The following KCNAB1 variants were observed in gnomAD, a reference collection of about 807,000 sequenced individuals.
KCNAB1 encodes the protein voltage-gated potassium channel subunit beta-1.
KCNAB1 carries 35 observed loss-of-function variants against 64.6 expected under a neutral mutation model. The observed-to-expected ratio is 0.54, with a 90% confidence interval of 0.41 to 0.72. The LOEUF (loss-of-function observed/expected upper bound fraction) is 0.72, where lower values mean the gene tolerates loss of function less well. Among genes scored for constraint, KCNAB1 ranks in the 30% least tolerant of loss-of-function variants. The probability of loss-of-function intolerance (pLI) is 0.00; values close to 1 mark genes in which losing one functional copy is unlikely to be tolerated. For missense variants in KCNAB1, 401 were observed against 512.9 expected, an observed-to-expected ratio of 0.78 and a Z score of 2.11; for synonymous variants, 177 against 183.8, an observed-to-expected ratio of 0.96 and a Z score of 0.30.
chr3:156,204,524 T>C (rs1714535432), intron 1 of KCNAB1, among the ~76,000 whole-genome samples: 1 of 152,154 alleles, frequency 6.6e-6, no homozygotes, highest in Non-Finnish European at 1.5e-5. Context: ...TCTCTATCCA[T>C]TTGAATAGAA....
chr3:156,143,259 A>T, intron 1 of KCNAB1: 1 of 1,614,004 alleles, frequency 6.2e-7, no homozygotes, highest in Non-Finnish European at 8.5e-7. Flanking sequence ...CGGCTCTAAA[A>T]TGTAGATGGC....
chr3:156,511,360 C>T (rs1248010256), intron 8 of KCNAB1, among the ~76,000 whole-genome samples: 6 of 152,204 alleles, frequency 3.9e-5, no homozygotes, highest in African/African-American at 1.4e-4. Context: ...GCCTCGGCCT[C>T]CCAAAGTGCT....
At chr3:156,338,094 A>G (rs1471829559) in intron 1 of KCNAB1, among the ~76,000 whole-genome samples, 2 of 151,990 alleles carry the variant, frequency 1.3e-5, no homozygotes, top group South Asian at 2.1e-4. Context: ...GGATGGTCCA[A>G]CTCTCTGTGC....
intron 1 of KCNAB1, among the ~76,000 whole-genome samples, chr3:156,143,658 A>G (rs1382302878): frequency 1.3e-5 from 2 of 148,706 alleles, no homozygotes; most frequent in South Asian, 2.2e-4. Flanking sequence ...TCATCTGTGG[A>G]AACTCCTAAC....
At chr3:156,128,868 G>A (rs1212863875) in intron 1 of KCNAB1, among the ~76,000 whole-genome samples, 4 of 151,490 alleles carry the variant, frequency 2.6e-5, no homozygotes, top group African/African-American at 4.9e-5. Flanking sequence ...AGAGCAGGGC[G>A]CAAGGGTAAG....
chr3:156,469,065 CTAAT>C (rs1713657761), intron 7 of KCNAB1, among the ~76,000 whole-genome samples: 1 of 152,008 alleles, frequency 6.6e-6, no homozygotes, highest in South Asian at 2.1e-4. Flanking sequence ...TCTTTTTAAT[CTAAT>C]TAATTAGAAA....
intron 1 of KCNAB1, among the ~76,000 whole-genome samples, chr3:156,352,901 C>T (rs149163677): frequency 8.1e-4 from 123 of 152,374 alleles, no homozygotes; most frequent in African/African-American, 2.7e-3. Context: ...TACCTGTCAT[C>T]GAGCCCATCT....
At chr3:156,194,563 A>G (rs1713774640) in intron 1 of KCNAB1, among the ~76,000 whole-genome samples, 1 of 151,938 alleles carries the variant, frequency 6.6e-6, no homozygotes. Context: ...GCTTTCTTTA[A>G]GTTTCTTACT....
intron 1 of KCNAB1, among the ~76,000 whole-genome samples, chr3:156,158,365 G>A (rs978438179): frequency 9.9e-5 from 15 of 152,006 alleles, no homozygotes; most frequent in Non-Finnish European, 2.2e-4. Context: ...GGATTCGTTA[G>A]TCATATCTCT....
intron 2 of KCNAB1, among the ~76,000 whole-genome samples, chr3:156,443,779 C>A (rs182517013): frequency 2.1e-5 from 3 of 145,348 alleles, no homozygotes; most frequent in African/African-American, 8.3e-5. Flanking sequence ...CACACACACA[C>A]ACTATTCTTT....
At chr3:156,310,584 A>G (rs1721822423) in intron 1 of KCNAB1, among the ~76,000 whole-genome samples, 2 of 152,244 alleles carry the variant, frequency 1.3e-5, no homozygotes, top group South Asian at 2.1e-4. Context: ...GGGGCAGATC[A>G]CGAGGTCAGG....
At chr3:156,227,039 CTA>C (rs1716220740) in intron 1 of KCNAB1, among the ~76,000 whole-genome samples, 1 of 152,216 alleles carries the variant, frequency 6.6e-6, no homozygotes, top group African/African-American at 2.4e-5. Flanking sequence ...TGAATTCCAA[CTA>C]TAGATTTTTT....
At chr3:156,436,481 G>A (rs1199404853) in intron 2 of KCNAB1, among the ~76,000 whole-genome samples, 2 of 152,168 alleles carry the variant, frequency 1.3e-5, no homozygotes, top group African/African-American at 4.8e-5. Context: ...AGGTCTTTGA[G>A]GAATCACCAC....
chr3:156,239,377 C>A (rs950676555), intron 1 of KCNAB1, among the ~76,000 whole-genome samples: 4 of 152,148 alleles, frequency 2.6e-5, no homozygotes, highest in Non-Finnish European at 5.9e-5. Context: ...TTAAGGAAAT[C>A]TATTAGTAGT....
Position 156,362,271 on chromosome 3 carries a change from GATT to G in KCNAB1, c.276-59338_276-59336del, listed in dbSNP as rs1273511454. Among the ~76,000 whole-genome samples, 5 of 152,182 alleles carry G rather than the reference GATT, an allele frequency of 3.3e-5. No homozygotes were observed. In the East Asian group the frequency reaches 9.6e-4, roughly 29 times the overall value. On this transcript the variant is annotated intron_variant, in intron 1 of 13. Transcript: ENST00000490337. ...ATTTTTAAAATTTCTAGAATGACGT[GATT>G]ATTATTGTAATGAGAAACAATTGTG...
At chr3:156,181,421 C>T (rs969300018) in intron 1 of KCNAB1, among the ~76,000 whole-genome samples, 5 of 152,196 alleles carry the variant, frequency 3.3e-5, no homozygotes, top group African/African-American at 1.2e-4. Context: ...TTGATGCTTA[C>T]ACTGGTGGGC....
chr3:156,521,908 G>A (rs1717960566), intron 11 of KCNAB1, among the ~76,000 whole-genome samples: 1 of 150,772 alleles, frequency 6.6e-6, no homozygotes, highest in Admixed American at 6.7e-5. Context: ...GAGATTTATG[G>A]TGTTGAACAT....
At chr3:156,198,159 G>T (rs1369622202) in intron 1 of KCNAB1, among the ~76,000 whole-genome samples, 1 of 152,144 alleles carries the variant, frequency 6.6e-6, no homozygotes, top group East Asian at 1.9e-4. Flanking sequence ...GATACTGTTT[G>T]TTATGATTTT....
chr3:156,173,684 G>T (rs982943952), intron 1 of KCNAB1, among the ~76,000 whole-genome samples: 2 of 151,960 alleles, frequency 1.3e-5, no homozygotes, highest in Non-Finnish European at 1.5e-5. Flanking sequence ...GCAACAAATT[G>T]TATGCGATGG....
Sources: allele counts gnomAD v4.1 joint callset (sites outside exome capture counted in the v4.1 genomes callset), GRCh38; gene constraint gnomAD v4.1.1; transcripts MANE v1.5; gene names NCBI Gene and HGNC (gene_info 2026-07-23, HGNC 2026-07-21).